Variants in TREH observed in about 807,000 individuals in gnomAD.
The protein encoded by TREH is alpha,alpha-trehalose glucohydrolase.
A neutral mutation model predicts 80.5 loss-of-function variants in TREH; 69 were observed. That is an observed-to-expected ratio of 0.86 (90% CI 0.71 to 1.05). The LOEUF is 1.05. TREH is among the 50% of genes least tolerant of loss of function. The probability of loss-of-function intolerance (pLI) is 0.00; values close to 1 mark genes in which losing one functional copy is unlikely to be tolerated. For synonymous variants in TREH, 309 were observed against 293.5 expected (o/e 1.05, Z -0.54); for missense variants, 716 against 718.8 (o/e 1.00, Z 0.04).
At chr11:118,673,578 C>T (rs1214617900) in intron 1 of TREH, among the ~76,000 whole-genome samples, 1 of 152,206 alleles carries the variant, frequency 6.6e-6, no homozygotes, top group Non-Finnish European at 1.5e-5. Context: ...CACGTGGCCA[C>T]CTCAGGTGAG....
intron 1 of TREH, among the ~76,000 whole-genome samples, chr11:118,664,406 A>G (rs1464854417): frequency 1.3e-5 from 2 of 152,228 alleles, no homozygotes; most frequent in African/African-American, 4.8e-5. Context: ...TTGCTGACTT[A>G]TGGGCAGTAG....
intron 4 of TREH, among the ~76,000 whole-genome samples, chr11:118,662,369 G>A (rs1471675030): frequency 1.3e-5 from 2 of 152,210 alleles, no homozygotes; most frequent in Non-Finnish European, 2.9e-5. Context: ...CCACCCAGCC[G>A]GGCCCAGAGG....
rs1476227557 is a variant in TREH, at chr11:118,674,127, C to G, written c.89+5412G>C. Among the ~76,000 whole-genome samples, 1 of 152,276 alleles carries G rather than the reference C, an allele frequency of 6.6e-6. No individual in the cohort carries two copies. The highest frequency in any genetic ancestry group is 1.9e-4 in the East Asian group (1 of 5,190). On this transcript the variant is annotated intron_variant, in intron 1 of 14. Coordinates refer to ENST00000264029, the MANE Select transcript of TREH (RefSeq NM_007180.3). The surrounding 1 kb of genome is among the most constrained non-coding windows in gnomAD (Gnocchi z 4.4). Reference sequence around the variant, plus strand: ...CCTGCCCACTCTCTGTGAGCATTTCCCCAAGATATTATAGGTATTTCAGGT... The same window carrying G: ...CCTGCCCACTCTCTGTGAGCATTTCGCCAAGATATTATAGGTATTTCAGGT...
chr11:118,667,843 CA>C (rs1164392150), intron 1 of TREH, among the ~76,000 whole-genome samples: 1 of 152,126 alleles, frequency 6.6e-6, no homozygotes, highest in Non-Finnish European at 1.5e-5. Context: ...CTATTTTTAT[CA>C]CCTTAAAGTC....
At chr11:118,676,562 G>C (rs1949480764) in intron 1 of TREH, among the ~76,000 whole-genome samples, 1 of 5,508 alleles carries the variant, frequency 1.8e-4, no homozygotes, top group African/African-American at 8.3e-4. Context: ...GAGGTCAGGA[G>C]TTTAAGACCA....
intron 1 of TREH, among the ~76,000 whole-genome samples, chr11:118,667,264 A>G (rs1258159792): frequency 2.6e-5 from 4 of 151,006 alleles, no homozygotes; most frequent in Non-Finnish European, 5.9e-5. Context: ...CTGCAACCTC[A>G]ATCTCCCAGG....
chr11:118,669,482 G>A (rs1291291943), intron 1 of TREH, among the ~76,000 whole-genome samples: 2 of 152,130 alleles, frequency 1.3e-5, no homozygotes, highest in African/African-American at 4.8e-5. Flanking sequence ...AGAAAATGTG[G>A]TACATATCCA....
At chr11:118,660,300 G>A (rs1382315476) in intron 10 of TREH, among the ~76,000 whole-genome samples, 2 of 152,174 alleles carry the variant, frequency 1.3e-5, no homozygotes, top group African/African-American at 4.8e-5. Flanking sequence ...GTGGACTAGG[G>A]TTCCCCTCAC....
In TREH at chr11:118,679,588, G is replaced by A. The variant is rs782335609; in HGVS notation, c.40C>T (p.Leu14=). ...TCCTGGGACCCCAGTCCCAGCCCCAGCAGCAGTAGCAGGCACAGCTCCCAG... is the reference window on the plus strand; with the variant it reads ...TCCTGGGACCCCAGTCCCAGCCCCAACAGCAGTAGCAGGCACAGCTCCCAG... ...RTWELCLLLL[L]GLGLGSQEAL... The change falls in exon 1 of 15, where the codon CTG becomes TTG. Residue 14 remains leucine (L), a synonymous_variant. Coordinates refer to ENST00000264029, the MANE Select transcript of TREH (RefSeq NM_007180.3). The A allele has an allele frequency of 1.9e-6, 3 of 1,553,882 alleles. No homozygotes were observed. Among genetic ancestry groups the A allele is most frequent in the Non-Finnish European group, 2.6e-6 (3 of 1,146,646 alleles).
intron 1 of TREH, among the ~76,000 whole-genome samples, chr11:118,678,488 C>T (rs1331529995): frequency 2.0e-5 from 3 of 151,798 alleles, no homozygotes; most frequent in Admixed American, 1.3e-4. Flanking sequence ...CTCAGCCTCC[C>T]GAGTAGCTGG....
Position 118,679,529 on chromosome 11 carries a change from A to AC in TREH, c.89+9dup. The AC allele has an allele frequency of 1.4e-6, 2 of 1,477,612 alleles. No homozygotes were observed. Among genetic ancestry groups the AC allele is most frequent in the South Asian group, 2.8e-5 (2 of 71,896 alleles). 91.5% of individuals were successfully genotyped at this position (1,477,612 alleles called of 1,614,324 possible). ...GCCATCCTCCCCTGCTGCCTTCCCC[A>AC]CACCCCTACCTCTCACAGGGTGGGG... On this transcript the variant is annotated intron_variant, in intron 1 of 14. Transcript: ENST00000264029.
At chr11:118,668,401 T>A (rs2137276344) in intron 1 of TREH, among the ~76,000 whole-genome samples, 1 of 151,320 alleles carries the variant, frequency 6.6e-6, no homozygotes, top group East Asian at 1.9e-4. Flanking sequence ...AAACCCTGTC[T>A]CTACAAAAAA....
intron 2 of TREH, 69 bp from the exon 3 acceptor site, chr11:118,663,265 C>G (rs1045032672): frequency 1.3e-6 from 2 of 1,564,488 alleles, no homozygotes; most frequent in African/African-American, 2.7e-5. Flanking sequence ...AGGGGCCTCT[C>G]TACTTGGTCT....
rs187062573 is a variant in TREH, at chr11:118,677,702, C to T, written c.89+1837G>A. Among the ~76,000 whole-genome samples the T allele has an allele frequency of 2.8e-3, 431 of 152,074 alleles. 1 individual carries two copies. Among genetic ancestry groups the T allele is most frequent in the Non-Finnish European group, 5.0e-3 (343 of 68,000 alleles). On this transcript the variant is annotated intron_variant, in intron 1 of 14. Transcript: ENST00000264029. ...ATTGCACCACTGCACTCCAACCTGG[C>T]GACAGAGCGAGACTCTGTCTCAAAA...
rs1004120396 is a variant in TREH at position 118,670,630 on chromosome 11, G to C, written c.90-7191C>G. ...ATGGTAGAAGTAACCTGAAAAATAA[G>C]AGTCAAAAGATGTTCACACATTACT... On this transcript the variant is annotated intron_variant, in intron 1 of 14. Transcript: ENST00000264029. Among the ~76,000 whole-genome samples, 13 of 152,258 alleles carry C rather than the reference G, an allele frequency of 8.5e-5. No individual in the cohort carries two copies. The South Asian group carries it at 2.3e-3, about 27-fold the overall frequency.
At chr11:118,667,212 T>C (rs1555145757) in intron 1 of TREH, among the ~76,000 whole-genome samples, 1 of 151,814 alleles carries the variant, frequency 6.6e-6, no homozygotes, top group African/African-American at 2.4e-5. Context: ...AAGGGTTCGC[T>C]CTATCACCCA....
Position 118,679,492 on chromosome 11 carries a change from C to T in TREH, c.89+47G>A, listed in dbSNP as rs1555147212. On this transcript the variant is annotated intron_variant, in intron 1 of 14. Coordinates refer to ENST00000264029, the MANE Select transcript of TREH (RefSeq NM_007180.3). ...CCAGAGCTTGAGATCTCATCCCAGC[C>T]TCCCTCTTATTGCCATCCTCCCCTG... is the stretch of plus-strand genomic sequence containing the variant. 4 of 1,448,208 alleles carry T rather than the reference C, an allele frequency of 2.8e-6. No individual in the cohort carries two copies. In the Admixed American group the frequency reaches 1.1e-4, roughly 40 times the overall value. 89.7% of individuals were successfully genotyped at this position (1,448,208 alleles called of 1,614,324 possible).
At chr11:118,675,295 T>A (rs1196719475) in intron 1 of TREH, among the ~76,000 whole-genome samples, 1 of 152,154 alleles carries the variant, frequency 6.6e-6, no homozygotes, top group African/African-American at 2.4e-5. Context: ...AATACTGCAA[T>A]TTAATCCTGG....
chr11:118,662,866 C>T lies in TREH; in HGVS notation c.423+15G>A, dbSNP rs1555145234. The T allele has an allele frequency of 6.4e-7, 1 of 1,564,948 alleles. No homozygotes were observed. Among genetic ancestry groups the T allele is most frequent in the East Asian group, 2.4e-5 (1 of 41,932 alleles). The stretch of plus-strand genomic sequence containing the variant: ...TCCCTTGGTCAGGCCTTGGGCAGGC[C>T]CAGGACGCTGATACCTTCTTCCCCA... On this transcript the variant is annotated intron_variant, in intron 4 of 14. Transcript: ENST00000264029.
Sources: gnomAD v4.1 joint callset for allele counts (sites outside exome capture counted in the v4.1 genomes callset) on GRCh38, gnomAD v4.1.1 for gene constraint, Gnocchi (gnomAD v3.1) non-coding constraint, MANE v1.5 for transcripts, NCBI Gene and HGNC (gene_info 2026-07-23, HGNC 2026-07-21) for gene names.